GALNTL6: variants seen among roughly 807,000 people sequenced by gnomAD.
The protein encoded by GALNTL6 is polypeptide N-acetylgalactosaminyltransferase-like 6.
Under a neutral mutation model 73.7 loss-of-function variants are expected in GALNTL6, and 46 were observed. The observed-to-expected ratio is 0.62, with a 90% CI of 0.49 to 0.80. GALNTL6 has a LOEUF of 0.80. Ranked by LOEUF, GALNTL6 falls within the 30% of genes least tolerant of loss-of-function variation. GALNTL6 has a pLI of 0.00. For synonymous variants in GALNTL6, 259 were observed against 263.7 expected (o/e 0.98, Z 0.17); for missense variants, 604 against 755.0 (o/e 0.80, Z 2.34).
chr4:172,502,257 C>A (rs1044296335), intron 5 of GALNTL6, among the ~76,000 whole-genome samples: 5 of 152,182 alleles, frequency 3.3e-5, no homozygotes, highest in Admixed American at 2.0e-4. Context: ...TTACTAAACT[C>A]ATTTCATTCT....
intron 5 of GALNTL6, among the ~76,000 whole-genome samples, chr4:172,410,687 A>C (rs1159701454): frequency 6.6e-6 from 1 of 152,076 alleles, no homozygotes; most frequent in East Asian, 1.9e-4. Context: ...TAACTTAATA[A>C]ATAAATAAAT....
chr4:172,422,602 T>C (rs1157497326), intron 5 of GALNTL6, among the ~76,000 whole-genome samples: 1 of 151,946 alleles, frequency 6.6e-6, no homozygotes, highest in Non-Finnish European at 1.5e-5. Context: ...CTGACTTTCA[T>C]GTCATCTAGA....
chr4:173,020,091 C>T (rs192229778), intron 11 of GALNTL6, among the ~76,000 whole-genome samples: 3 of 152,200 alleles, frequency 2.0e-5, no homozygotes, highest in South Asian at 2.1e-4. Flanking sequence ...AATTACATAA[C>T]CTTCCTGGGA....
chr4:172,792,671 C>CTTT (rs71594009), intron 5 of GALNTL6, among the ~76,000 whole-genome samples: 3,566 of 135,642 alleles, frequency 0.026, 185 homozygotes, highest in African/African-American at 0.091. Context: ...CATAGTTTAG[C>CTTT]TTTTTTTTTT....
At chr4:172,677,872 CA>C (rs5864149) in intron 5 of GALNTL6, among the ~76,000 whole-genome samples, 20,600 of 141,626 alleles carry the variant, frequency 0.15, 1,663 homozygotes, top group East Asian at 0.27. Flanking sequence ...GTTTTGAAGG[CA>C]AAAAAAAAAA....
In GALNTL6 at chr4:172,612,720, T is replaced by A. The variant is rs528425869; in HGVS notation, c.554-196641T>A. On this transcript the variant is annotated intron_variant, in intron 5 of 12. Transcript: ENST00000506823. ...CTAAAATTTATTTTTCCTTCTTTTT[T>A]TGTTTTCCCCTTAGTTGAGGATATA... is the stretch of plus-strand genomic sequence containing the variant. 1.7e-3 allele frequency among the ~76,000 whole-genome samples: 255 copies of A among 152,252 alleles called. 2 individuals are homozygous for A. Among genetic ancestry groups the A allele is most frequent in the African/African-American group, 5.9e-3 (244 of 41,568 alleles).
chr4:171,990,545 C>A (rs1740303370), intron 2 of GALNTL6, among the ~76,000 whole-genome samples: 2 of 152,068 alleles, frequency 1.3e-5, no homozygotes, highest in Non-Finnish European at 2.9e-5. Context: ...GAGAAAGTGA[C>A]CCTAATTGTC....
chr4:172,549,973 A>G (rs1315424931), intron 5 of GALNTL6, among the ~76,000 whole-genome samples: 1 of 152,220 alleles, frequency 6.6e-6, no homozygotes, highest in African/African-American at 2.4e-5. Context: ...TGTCAGTAAT[A>G]TAACTTCCTT....
intron 2 of GALNTL6, among the ~76,000 whole-genome samples, chr4:171,965,683 A>G (rs893539434): frequency 7.0e-6 from 1 of 143,484 alleles, no homozygotes; most frequent in African/African-American, 2.6e-5. Context: ...GAAGAAGAAG[A>G]GTCAATGGGA....
At chr4:172,404,020 A>G (rs1271488221) in intron 5 of GALNTL6, among the ~76,000 whole-genome samples, 2 of 151,936 alleles carry the variant, frequency 1.3e-5, no homozygotes, top group African/African-American at 4.8e-5. Flanking sequence ...TTCTTTTACA[A>G]ATTTATTGCC....
intron 10 of GALNTL6, among the ~76,000 whole-genome samples, chr4:172,973,643 A>AAGAGAT (rs1194789764): frequency 6.6e-6 from 1 of 152,242 alleles, no homozygotes; most frequent in Non-Finnish European, 1.5e-5. Flanking sequence ...AATAAGTGAA[A>AAGAGAT]AGAGATATTT....
chr4:172,813,195 CAA>C (rs1741410779), intron 6 of GALNTL6, among the ~76,000 whole-genome samples: 1 of 152,162 alleles, frequency 6.6e-6, no homozygotes. Flanking sequence ...TGAAAGAACA[CAA>C]TAACTGTTTA....
At chr4:172,429,195 ATTATTTTATTTTATT>A (rs70944409) in intron 5 of GALNTL6, among the ~76,000 whole-genome samples, 2 of 133,750 alleles carry the variant, frequency 1.5e-5, no homozygotes, top group African/African-American at 2.8e-5. Context: ...TTTATTTTAT[ATTATTTTATTTTATT>A]TTATTTTATT....
chr4:172,195,856 T>C (rs1239592014), intron 2 of GALNTL6, among the ~76,000 whole-genome samples: 1 of 151,960 alleles, frequency 6.6e-6, no homozygotes, highest in African/African-American at 2.4e-5. Context: ...CAAATTGATA[T>C]TGTAACATGA....
chr4:172,838,912 G>A (rs1051766482), intron 7 of GALNTL6, among the ~76,000 whole-genome samples: 3 of 152,206 alleles, frequency 2.0e-5, no homozygotes, highest in African/African-American at 4.8e-5. Context: ...GGGAGAAGAG[G>A]AGAATGCCAA....
intron 2 of GALNTL6, among the ~76,000 whole-genome samples, chr4:172,193,016 C>G (rs1332275392): frequency 2.0e-5 from 3 of 152,234 alleles, no homozygotes; most frequent in Non-Finnish European, 4.4e-5. Context: ...GAACTCTGAT[C>G]TCCCTGGAAT....
intron 10 of GALNTL6, among the ~76,000 whole-genome samples, chr4:172,964,368 C>T (rs556162837): frequency 3.3e-5 from 5 of 152,294 alleles, no homozygotes; most frequent in East Asian, 3.9e-4. Context: ...AATAGACAAA[C>T]GTGTCTTTTC....
chr4:172,209,551 A>C (rs551778339), intron 2 of GALNTL6, among the ~76,000 whole-genome samples: 1 of 152,176 alleles, frequency 6.6e-6, no homozygotes, highest in African/African-American at 2.4e-5. Flanking sequence ...AGTACGTACA[A>C]ACAAGAAAAA....
chr4:172,960,576 A>C lies in GALNTL6; in HGVS notation c.1371+8318A>C, dbSNP rs537514905. On this transcript the variant is annotated intron_variant, in intron 10 of 12. Transcript: ENST00000506823. ...GGGGACAGGCAGGAGGGAAAGAAGG[A>C]AGATTTGGGATAAGTCGCATTGGGA... 4.6e-5 allele frequency among the ~76,000 whole-genome samples: 7 copies of C among 152,186 alleles called. No individual in the cohort carries two copies. The South Asian group carries it at 1.0e-3, about 23-fold the overall frequency.
Sources: gnomAD v4.1 joint callset for allele counts (sites outside exome capture counted in the v4.1 genomes callset) on GRCh38, gnomAD v4.1.1 for gene constraint, MANE v1.5 for transcripts, NCBI Gene and HGNC (gene_info 2026-07-23, HGNC 2026-07-21) for gene names.